Variants in PTPRK observed in about 807,000 individuals in gnomAD.
PTPRK encodes the protein protein tyrosine phosphatase receptor type K.
A neutral mutation model predicts 178.0 loss-of-function variants in PTPRK; 75 were observed. The ratio of observed to expected loss-of-function variants is 0.42; its 90% CI spans 0.35 to 0.51. The LOEUF (loss-of-function observed/expected upper bound fraction) is 0.51, where lower values mean the gene tolerates loss of function less well. PTPRK is among the 20% of genes least tolerant of loss of function. The pLI is 0.02. For synonymous variants in PTPRK, 637 were observed against 620.6 expected, an observed-to-expected ratio of 1.03 and a Z score of -0.39; for missense variants, 1,441 against 1,797.8, an observed-to-expected ratio of 0.80 and a Z score of 3.59.
At chr6:128,244,652 AATCTCCAGCC>A (rs1271394658) in intron 3 of PTPRK, among the ~76,000 whole-genome samples, 3 of 152,218 alleles carry the variant, frequency 2.0e-5, no homozygotes, top group Non-Finnish European at 2.9e-5. Context: ...GTTATCTAAT[AATCTCCAGCC>A]ATTTTATTCT....
At chr6:128,372,023 A>G (rs1836372358) in intron 2 of PTPRK, among the ~76,000 whole-genome samples, 1 of 152,196 alleles carries the variant, frequency 6.6e-6, no homozygotes, top group African/African-American at 2.4e-5. Context: ...AGGACCTCCG[A>G]GGCACACAAC....
At position 128,286,096 on chromosome 6, in the gene PTPRK, T is replaced by C. The variant is rs76356520; in HGVS notation, c.495+35943A>G. ...GACTGGGCTCTTGCCCTGCCTCTATTATGCACCCTCCCCACAGCAGCCAGT... is the reference window on the plus strand; with the variant it reads ...GACTGGGCTCTTGCCCTGCCTCTATCATGCACCCTCCCCACAGCAGCCAGT... On this transcript the variant is annotated intron_variant, in intron 3 of 29. Coordinates refer to ENST00000368226, the MANE Select transcript of PTPRK (RefSeq NM_002844.4). Among the ~76,000 whole-genome samples, 91 of 152,212 alleles carry C rather than the reference T, an allele frequency of 6.0e-4. No individual in the cohort carries two copies. In the East Asian group the frequency reaches 0.016, roughly 26 times the overall value.
At chr6:128,011,882 C>T (rs920672959) in intron 13 of PTPRK, among the ~76,000 whole-genome samples, 2 of 150,768 alleles carry the variant, frequency 1.3e-5, no homozygotes, top group Non-Finnish European at 3.0e-5. Context: ...ATCTATTATG[C>T]AAATCAGAGA....
chr6:128,169,503 A>G (rs972208483), intron 7 of PTPRK, among the ~76,000 whole-genome samples: 3 of 152,012 alleles, frequency 2.0e-5, no homozygotes, highest in Non-Finnish European at 4.4e-5. Context: ...ATTTTTACCA[A>G]TGAAATGACT....
chr6:128,429,873 T>G (rs758837773), intron 1 of PTPRK, among the ~76,000 whole-genome samples: 3 of 152,186 alleles, frequency 2.0e-5, no homozygotes, highest in African/African-American at 2.4e-5. Context: ...TGAGATATAT[T>G]TGTATAATCA....
intron 1 of PTPRK, among the ~76,000 whole-genome samples, chr6:128,435,046 C>CAGGAAGGCAGGA (rs1845346116): frequency 4.6e-4 from 33 of 72,480 alleles, no homozygotes; most frequent in Non-Finnish European, 6.7e-4. Flanking sequence ...GGCAGGAAGG[C>CAGGAAGGCAGGA]AGGAAGGAAG....
At chr6:128,354,229 A>ATTTTTTTTTT (rs1201996929) in intron 2 of PTPRK, among the ~76,000 whole-genome samples, 3 of 27,748 alleles carry the variant, frequency 1.1e-4, no homozygotes, top group African/African-American at 2.3e-4. Context: ...TTTTTTGTTT[A>ATTTTTTTTTT]TGTTTTTTTT....
intron 5 of PTPRK, among the ~76,000 whole-genome samples, chr6:128,233,351 T>C (rs528951786): frequency 5.8e-4 from 88 of 152,326 alleles, no homozygotes; most frequent in African/African-American, 2.1e-3. Context: ...CATGTGGTGA[T>C]GTTTGCATGG....
intron 3 of PTPRK, among the ~76,000 whole-genome samples, chr6:128,263,810 C>T (rs1818532650): frequency 1.3e-5 from 2 of 152,182 alleles, no homozygotes; most frequent in Middle Eastern, 3.4e-3. Context: ...CATGAGGACA[C>T]AGAAGAGGTT....
At chr6:128,146,815 A>G (rs1197550021) in intron 7 of PTPRK, among the ~76,000 whole-genome samples, 1 of 152,194 alleles carries the variant, frequency 6.6e-6, no homozygotes, top group African/African-American at 2.4e-5. Flanking sequence ...CAAATATCAC[A>G]TAAGACACCA....
chr6:128,197,378 A>G (rs1398736088), intron 6 of PTPRK, among the ~76,000 whole-genome samples: 2 of 151,992 alleles, frequency 1.3e-5, no homozygotes, highest in Admixed American at 6.6e-5. Flanking sequence ...AAAGTCTGAC[A>G]TTGAACAAAT....
Position 128,129,280 on chromosome 6 carries a change from A to G in PTPRK, c.1163-39288T>C, listed in dbSNP as rs150907889. Reference sequence around the variant, plus strand: ...GGCCATCTCATCACTGCTATTCAAGAAAGAGGTAATATTCCAATGTTATTC... The same window carrying G: ...GGCCATCTCATCACTGCTATTCAAGGAAGAGGTAATATTCCAATGTTATTC... On this transcript the variant is annotated intron_variant, in intron 7 of 29. Transcript: ENST00000368226. Among the ~76,000 whole-genome samples, 518 of 152,272 alleles carry G rather than the reference A, an allele frequency of 3.4e-3. 4 individuals carry two copies. The highest frequency in any genetic ancestry group is 0.012 in the African/African-American group (501 of 41,548).
intron 7 of PTPRK, among the ~76,000 whole-genome samples, chr6:128,131,609 G>C (rs933696591): frequency 6.6e-6 from 1 of 152,128 alleles, no homozygotes; most frequent in African/African-American, 2.4e-5. Context: ...GTGTCCCTCT[G>C]ACCAGAAGTA....
At chr6:128,352,599 C>T (rs912410387) in intron 2 of PTPRK, among the ~76,000 whole-genome samples, 5 of 152,122 alleles carry the variant, frequency 3.3e-5, no homozygotes, top group Admixed American at 6.5e-5. Context: ...TAAAGTGCCA[C>T]GTACTCTCAT....
intron 6 of PTPRK, among the ~76,000 whole-genome samples, chr6:128,190,490 CTTTTT>C (rs34873441): frequency 1.2e-4 from 12 of 96,128 alleles, no homozygotes; most frequent in African/African-American, 1.6e-4. Flanking sequence ...TGATAGATAC[CTTTTT>C]TTTTTTTTTT....
At chr6:128,056,065 TCTC>T (rs1385569675) in intron 13 of PTPRK, among the ~76,000 whole-genome samples, 4 of 151,484 alleles carry the variant, frequency 2.6e-5, no homozygotes, top group Admixed American at 2.0e-4. Context: ...TTTCCTTTCT[TCTC>T]CTTTTCTTCA....
intron 1 of PTPRK, among the ~76,000 whole-genome samples, chr6:128,442,624 C>G (rs1846421139): frequency 6.6e-6 from 1 of 152,196 alleles, no homozygotes; most frequent in Admixed American, 6.5e-5. Context: ...TATCTCATTT[C>G]TCCCACACAG....
At chr6:128,452,042 T>C (rs1584782502) in intron 1 of PTPRK, among the ~76,000 whole-genome samples, 1 of 152,184 alleles carries the variant, frequency 6.6e-6, no homozygotes, top group Non-Finnish European at 1.5e-5. Flanking sequence ...AAGTTGCTTA[T>C]AGTTTTGTAA....
At chr6:128,217,660 A>T (rs529305431) in intron 6 of PTPRK, among the ~76,000 whole-genome samples, 1 of 152,256 alleles carries the variant, frequency 6.6e-6, no homozygotes, top group East Asian at 1.9e-4. Flanking sequence ...AAATATGGAC[A>T]TATCTCATAT....
Sources: allele counts gnomAD v4.1 joint callset (sites outside exome capture counted in the v4.1 genomes callset), GRCh38; gene constraint gnomAD v4.1.1; transcripts MANE v1.5; gene names NCBI Gene and HGNC (gene_info 2026-07-23, HGNC 2026-07-21).